ZNF236: variants seen among roughly 807,000 people sequenced by gnomAD.
ZNF236 encodes zinc finger protein 236.
In ZNF236, 50 loss-of-function variants were observed where a neutral mutation model predicts 191.2. That is an observed-to-expected ratio of 0.26 (90% CI 0.21 to 0.33). The LOEUF is 0.33. Ranked by LOEUF, ZNF236 falls within the 10% of genes least tolerant of loss-of-function variation. ZNF236 has a pLI of 1.00. For missense variants in ZNF236, 1,754 were observed against 2,374.5 expected, an observed-to-expected ratio of 0.74 and a Z score of 5.43; for synonymous variants, 907 against 928.8, an observed-to-expected ratio of 0.98 and a Z score of 0.43.
chr18:76,954,740 T>G (rs1345107191), intron 27 of ZNF236, among the ~76,000 whole-genome samples: 2 of 152,236 alleles, frequency 1.3e-5, no homozygotes, highest in Non-Finnish European at 2.9e-5. Flanking sequence ...ACAGGTATCA[T>G]ATTATAGAAT....
Position 76,972,665 on chromosome 18 carries a change from C to G in ZNF236, c.*4326C>G, listed in dbSNP as rs72987237. Among the ~76,000 whole-genome samples, 10,677 of 152,206 alleles carry G rather than the reference C, an allele frequency of 0.07. 407 individuals are homozygous for G. Among genetic ancestry groups the G allele is most frequent in the Middle Eastern group, 0.16 (46 of 294 alleles). On this transcript the variant is annotated 3_prime_UTR_variant, in exon 31 of 31. Transcript: ENST00000320610. ...CTATCAATATTTGTATCATAATTGA[C>G]AAATTCTCAAGTGACATAGGGATTT...
Position 76,925,393 on chromosome 18 carries a change from G to C in ZNF236, c.3866G>C (p.Arg1289Pro). 6.2e-7 allele frequency: 1 copy of C among 1,614,144 alleles called. No homozygotes were observed. Residue 1289 changes from arginine to proline, a missense_variant, in exon 22 of 31, where the codon CGA (arginine) becomes CCA (proline). By Grantham distance (103) the Arg-to-Pro change is moderately radical. Around this residue, in one of 5 missense-constraint regions of ZNF236, gnomAD observed 606 missense variants for 761.5 expected, o/e 0.80. Transcript: ENST00000320610. The surrounding 1 kb of genome is among the most constrained non-coding windows in gnomAD (Gnocchi z 5.7). Reference protein sequence around the residue: ...DPKKARKPMTRSSSEGLQPVN... With the variant: ...DPKKARKPMTPSSSEGLQPVN... ...AAGAAGGCCAGAAAGCCTATGACTC[G>C]AAGCTCATCGGAAGGACTGCAGCCT...
intron 9 of ZNF236, 139 bp from the exon 10 acceptor site, chr18:76,894,871 GATA>G: frequency 8.6e-7 from 1 of 1,156,458 alleles, no homozygotes; most frequent in South Asian, 1.5e-5. Flanking sequence ...CCTAGCCCTC[GATA>G]ATGTCAGTGA....
chr18:76,822,909 G>A (rs1339459951), intron 1 of ZNF236, among the ~76,000 whole-genome samples: 1 of 147,778 alleles, frequency 6.8e-6, no homozygotes, highest in Non-Finnish European at 1.5e-5. Flanking sequence ...CGGCGGCTGA[G>A]GCGGGAGGCG....
chr18:76,860,134 T>A (rs1254106955), intron 3 of ZNF236, among the ~76,000 whole-genome samples: 1 of 152,050 alleles, frequency 6.6e-6, no homozygotes, highest in Non-Finnish European at 1.5e-5. Context: ...GCGGGAGAGC[T>A]GAAATGTTGA....
chr18:76,843,721 A>G (rs1975583534), intron 1 of ZNF236, among the ~76,000 whole-genome samples: 1 of 139,366 alleles, frequency 7.2e-6, no homozygotes, highest in South Asian at 2.5e-4. Context: ...GGTTGCAGTG[A>G]GCCAAGATTG....
chr18:76,967,999 T>C (rs946526174), intron 30 of ZNF236, among the ~76,000 whole-genome samples: 3 of 152,210 alleles, frequency 2.0e-5, no homozygotes, highest in African/African-American at 4.8e-5. Flanking sequence ...ATATCACCAG[T>C]GCTGTGTGTG....
chr18:76,953,845 G>C (rs543434934), intron 27 of ZNF236, among the ~76,000 whole-genome samples: 179 of 152,228 alleles, frequency 1.2e-3, no homozygotes, highest in East Asian at 7.5e-3. Context: ...CGTTCTTTCC[G>C]GGCTCATTAG....
At chr18:76,895,384 C>T in intron 10 of ZNF236, 99 bp downstream of exon 10, 1 of 1,475,398 alleles carries the variant, frequency 6.8e-7, no homozygotes, top group East Asian at 2.3e-5. Context: ...ACAGTAGGCA[C>T]ACAGGTACTG....
rs1255192721 is a variant in ZNF236, at chr18:76,923,182, A to C, written c.3661+8A>C. The C allele has an allele frequency of 1.9e-6, 3 of 1,577,698 alleles. No individual in the cohort carries two copies. Among genetic ancestry groups the C allele is most frequent in the Admixed American group, 3.3e-5 (2 of 59,938 alleles). Reference sequence around the variant, plus strand: ...ATGTGAAGACTCACACAGGTAAGGAAAACATGCCTGCGTCATTGGTAGAGG... The same window carrying C: ...ATGTGAAGACTCACACAGGTAAGGACAACATGCCTGCGTCATTGGTAGAGG... On this transcript the variant is annotated splice_region_variant and intron_variant, in intron 21 of 30. Coordinates refer to ENST00000320610, the MANE Select transcript of ZNF236 (RefSeq NM_001306089.2).
chr18:76,857,324 C>T (rs1976071615), intron 3 of ZNF236, among the ~76,000 whole-genome samples: 1 of 119,758 alleles, frequency 8.4e-6, no homozygotes, highest in South Asian at 2.8e-4. Flanking sequence ...TCCAACAGCC[C>T]TCAGGGTTCC....
intron 26 of ZNF236, among the ~76,000 whole-genome samples, chr18:76,944,731 G>T (rs1968216198): frequency 6.6e-6 from 1 of 152,196 alleles, no homozygotes; most frequent in Non-Finnish European, 1.5e-5. Context: ...GCAGTGAGCT[G>T]AGATTGTGCC....
intron 28 of ZNF236, among the ~76,000 whole-genome samples, chr18:76,958,763 G>C (rs922353641): frequency 7.2e-5 from 11 of 152,144 alleles, no homozygotes; most frequent in Non-Finnish European, 7.4e-5. Context: ...TGCTGGGAAG[G>C]CTCCCCCACT....
intron 18 of ZNF236, 98 bp downstream of exon 18, chr18:76,913,996 A>G: frequency 7.6e-7 from 1 of 1,323,574 alleles, no homozygotes; most frequent in Non-Finnish European, 1.0e-6. Flanking sequence ...CTTAAAGTGT[A>G]CAATTCAGTG....
At position 76,969,979 on chromosome 18, in the gene ZNF236, T is replaced by C. The variant is rs1336543471; in HGVS notation, c.*1640T>C. 6.6e-6 allele frequency: 1 copy of C among 152,656 alleles called. No individual in the cohort carries two copies. Among genetic ancestry groups the C allele is most frequent in the Non-Finnish European group, 1.5e-5 (1 of 68,038 alleles). 9.5% of individuals were successfully genotyped at this position (152,656 alleles called of 1,614,324 possible). A position where few individuals can be genotyped will look rare whatever the true frequency, so the allele number is the denominator to read the frequency against. ...AAAAGCCTTATTTGACTTATGCTTGTGATACTGGACTTCTTACCAATCCGG... is the reference window on the plus strand; with the variant it reads ...AAAAGCCTTATTTGACTTATGCTTGCGATACTGGACTTCTTACCAATCCGG... On this transcript the variant is annotated 3_prime_UTR_variant, in exon 31 of 31. Transcript: ENST00000320610.
intron 20 of ZNF236, among the ~76,000 whole-genome samples, chr18:76,921,095 A>G (rs552075098): frequency 6.6e-6 from 1 of 152,354 alleles, no homozygotes; most frequent in South Asian, 2.1e-4. Context: ...AGAGGACAGC[A>G]GCAGGTGCTG....
At chr18:76,845,691 A>C (rs1975653601) in intron 1 of ZNF236, among the ~76,000 whole-genome samples, 2 of 152,088 alleles carry the variant, frequency 1.3e-5, no homozygotes, top group Admixed American at 1.3e-4. Context: ...TCTACTAAAA[A>C]TACAAAAATT....
intron 26 of ZNF236, 98 bp downstream of exon 26, chr18:76,937,441 T>C: frequency 1.7e-6 from 2 of 1,178,218 alleles, no homozygotes; most frequent in Non-Finnish European, 1.1e-6. Context: ...GTCTGAGCAT[T>C]TTTTTTCCCC....
intron 26 of ZNF236, among the ~76,000 whole-genome samples, chr18:76,941,946 G>A (rs1023341016): frequency 2.0e-5 from 3 of 152,060 alleles, no homozygotes; most frequent in African/African-American, 7.2e-5. Context: ...TTAGCTTTTT[G>A]AATGGTATTT....
Sources: gnomAD v4.1 joint callset for allele counts (sites outside exome capture counted in the v4.1 genomes callset) on GRCh38, gnomAD v4.1.1 for gene constraint, gnomAD v4.1.1 regional missense constraint, Gnocchi (gnomAD v3.1) non-coding constraint, MANE v1.5 for transcripts, NCBI Gene and HGNC (gene_info 2026-07-23, HGNC 2026-07-21) for gene names.